DOCK3: variants seen among roughly 807,000 people sequenced by gnomAD.
DOCK3 encodes the protein dedicator of cytokinesis 3.
In DOCK3, 60 loss-of-function variants were observed where a neutral mutation model predicts 265.6. The observed-to-expected ratio is 0.23, with a 90% CI of 0.18 to 0.28. The LOEUF is 0.28. Among genes scored for constraint, DOCK3 ranks in the 10% least tolerant of loss-of-function variants. The pLI is 1.00. For missense variants in DOCK3, 1,981 were observed against 2,594.3 expected (o/e 0.76, Z 5.14); for synonymous variants, 881 against 938.0 (o/e 0.94, Z 1.11).
rs149028978 is a variant in DOCK3, at chr3:50,830,196, C to T, written c.122-11479C>T. On this transcript the variant is annotated intron_variant, in intron 2 of 52. Coordinates refer to ENST00000266037, the MANE Select transcript of DOCK3 (RefSeq NM_004947.5). ...TGAACTCCATATATTTTTATTGATG[C>T]ACCAAAGTGAAAAAAATCAGTATTT... 3.7e-3 allele frequency among the ~76,000 whole-genome samples: 568 copies of T among 152,152 alleles called. 6 individuals are homozygous for T. The highest frequency in any genetic ancestry group is 5.8e-3 in the Non-Finnish European group (395 of 67,990).
At chr3:50,819,029 A>C (rs1048533138) in intron 2 of DOCK3, among the ~76,000 whole-genome samples, 1 of 152,098 alleles carries the variant, frequency 6.6e-6, no homozygotes, top group East Asian at 1.9e-4. Flanking sequence ...TTGTTTTTTA[A>C]AAAAATGCTT....
At chr3:50,766,911 T>C (rs1359436756) in intron 1 of DOCK3, among the ~76,000 whole-genome samples, 3 of 152,228 alleles carry the variant, frequency 2.0e-5, no homozygotes, top group Non-Finnish European at 4.4e-5. Flanking sequence ...GTTGGCTGCA[T>C]ACATGTCTTC....
intron 4 of DOCK3, 117 bp from the exon 5 acceptor site, chr3:50,933,861 ACTT>A (rs1559833304): frequency 1.7e-6 from 1 of 601,038 alleles, no homozygotes; most frequent in Non-Finnish European, 2.9e-6. Context: ...AATTAGATAT[ACTT>A]CTTTTTTATT....
chr3:51,165,211 G>C (rs2086335531), intron 12 of DOCK3, among the ~76,000 whole-genome samples: 1 of 152,162 alleles, frequency 6.6e-6, no homozygotes, highest in Non-Finnish European at 1.5e-5. Flanking sequence ...ACAGGCGTGA[G>C]CCACCACGCC....
chr3:50,705,471 A>T lies in DOCK3; in HGVS notation c.37+30171A>T, dbSNP rs142535696. ...CACTCTGTTGCCCAGGCTGGAGTGC[A>T]GTGGCGTGATCTTGGCTCACTGCAA... On this transcript the variant is annotated intron_variant, in intron 1 of 52. Coordinates refer to ENST00000266037, the MANE Select transcript of DOCK3 (RefSeq NM_004947.5). Among the ~76,000 whole-genome samples, 1,160 of 152,156 alleles carry T rather than the reference A, an allele frequency of 7.6e-3. 18 individuals are homozygous for T. Among genetic ancestry groups the T allele is most frequent in the African/African-American group, 0.027 (1,116 of 41,496 alleles).
intron 5 of DOCK3, among the ~76,000 whole-genome samples, chr3:51,013,345 C>CT: frequency 6.6e-6 from 1 of 152,082 alleles, no homozygotes; most frequent in Admixed American, 6.6e-5. Flanking sequence ...TGCGGATGTC[C>CT]TTTTTGTTGA....
In DOCK3 at chr3:51,116,450, C is replaced by CAAA. The variant is rs55898136; in HGVS notation, c.746+26086_746+26088dup. ...TGGGCTACAGAGTGAGACTCCATCT[C>CAAA]AAAAAAAAAAAAAAAAAAAAAAGGG... On this transcript the variant is annotated intron_variant, in intron 9 of 52. Coordinates refer to ENST00000266037, the MANE Select transcript of DOCK3 (RefSeq NM_004947.5). Among the ~76,000 whole-genome samples the CAAA allele has an allele frequency of 4.4e-3, 236 of 53,854 alleles. 3 individuals carry two copies. The highest frequency in any genetic ancestry group is 0.037 in the East Asian group (54 of 1,476). The allele number at this position is 53,854 out of a possible 152,430, so 35.3% of individuals were successfully genotyped here.
chr3:51,332,081 T>A (rs184452816), intron 33 of DOCK3, among the ~76,000 whole-genome samples: 145 of 152,374 alleles, frequency 9.5e-4, no homozygotes, highest in Non-Finnish European at 1.7e-3. Flanking sequence ...ACAGTCATCA[T>A]TGTAGCAGCA....
intron 46 of DOCK3, among the ~76,000 whole-genome samples, chr3:51,358,442 A>C (rs1018063254): frequency 3.9e-5 from 6 of 152,168 alleles, no homozygotes; most frequent in African/African-American, 1.4e-4. Context: ...ACCTAAAGAG[A>C]TAGGCATGGC....
chr3:50,773,825 A>G (rs2041428509), intron 1 of DOCK3, among the ~76,000 whole-genome samples: 1 of 151,966 alleles, frequency 6.6e-6, no homozygotes. Flanking sequence ...TTTATTTTTC[A>G]CTTGGTAGTC....
In DOCK3 at chr3:51,075,365, C is replaced by T; in HGVS notation, c.474C>T (p.Gly158=). The change falls in exon 7 of 53, where the codon GGC becomes GGT. Residue 158 remains glycine (G), a synonymous_variant. Transcript: ENST00000266037. ...VRLDWGNEHL[G]LDLVPRKDFE... is the part of the protein sequence containing the mutation. ...TCTTTCTCTTTACTAGACATTTGGG[C>T]CTGGACCTGGTGCCTCGGAAGGACT... is the stretch of plus-strand genomic sequence containing the variant. 6.2e-7 allele frequency: 1 copy of T among 1,610,156 alleles called. No individual in the cohort carries two copies. The highest frequency in any genetic ancestry group is 8.5e-7 in the Non-Finnish European group (1 of 1,178,328).
intron 1 of DOCK3, among the ~76,000 whole-genome samples, chr3:50,725,977 T>C (rs1238582834): frequency 6.6e-6 from 1 of 152,174 alleles, no homozygotes; most frequent in East Asian, 1.9e-4. Context: ...TATGTTACAA[T>C]GTCGCGGATA....
intron 2 of DOCK3, among the ~76,000 whole-genome samples, chr3:50,823,960 G>A (rs896726881): frequency 7.9e-5 from 12 of 152,136 alleles, no homozygotes; most frequent in African/African-American, 2.4e-4. Flanking sequence ...TTTTAGTTGA[G>A]GAAGCTAAAC....
intron 2 of DOCK3, among the ~76,000 whole-genome samples, chr3:50,819,980 A>G (rs181821610): frequency 6.6e-6 from 1 of 152,166 alleles, no homozygotes; most frequent in East Asian, 1.9e-4. Flanking sequence ...AAACAACAAC[A>G]ACAAAAAATG....
At chr3:50,949,776 C>T (rs1048661124) in intron 5 of DOCK3, among the ~76,000 whole-genome samples, 1 of 152,076 alleles carries the variant, frequency 6.6e-6, no homozygotes, top group African/African-American at 2.4e-5. Context: ...TTCTCCCATA[C>T]CCATAGTTAT....
intron 37 of DOCK3, among the ~76,000 whole-genome samples, chr3:51,340,833 C>T (rs1194846944): frequency 6.6e-6 from 1 of 152,068 alleles, no homozygotes; most frequent in Admixed American, 6.5e-5. Flanking sequence ...GGTAATGGAG[C>T]CCTAAGAGCC....
intron 9 of DOCK3, among the ~76,000 whole-genome samples, chr3:51,108,113 A>G (rs1173271243): frequency 6.6e-6 from 1 of 151,030 alleles, no homozygotes; most frequent in African/African-American, 2.4e-5. Context: ...ATCTTGGCTC[A>G]CTGCAACCTC....
chr3:50,728,925 T>C (rs926593323), intron 1 of DOCK3, among the ~76,000 whole-genome samples: 1 of 149,868 alleles, frequency 6.7e-6, no homozygotes, highest in African/African-American at 2.4e-5. Context: ...GGTTTCACCA[T>C]GTTGGCCATG....
At chr3:51,312,708 G>C (rs1221445831) in intron 30 of DOCK3, 132 bp downstream of exon 30, 2 of 1,235,696 alleles carry the variant, frequency 1.6e-6, no homozygotes, top group African/African-American at 1.5e-5. Flanking sequence ...TGGGAGTTCA[G>C]TCGAGAGCCC....
Sources: allele counts gnomAD v4.1 joint callset (sites outside exome capture counted in the v4.1 genomes callset), GRCh38; gene constraint gnomAD v4.1.1; transcripts MANE v1.5; gene names NCBI Gene and HGNC (gene_info 2026-07-23, HGNC 2026-07-21).